The following PRDM6 variants were observed in gnomAD, a reference collection of about 807,000 sequenced individuals.
PRDM6 encodes putative histone-lysine N-methyltransferase PRDM6.
PRDM6 carries 25 observed loss-of-function variants against 60.8 expected under a neutral mutation model. The ratio of observed to expected loss-of-function variants is 0.41; its 90% CI spans 0.30 to 0.57. The LOEUF (loss-of-function observed/expected upper bound fraction) is 0.57, where lower values mean the gene tolerates loss of function less well. PRDM6 is among the 20% of genes least tolerant of loss of function. The pLI is 0.27. For missense variants in PRDM6, 839 were observed against 821.3 expected (o/e 1.02, Z -0.26); for synonymous variants, 407 against 357.4 (o/e 1.14, Z -1.57).
intron 3 of PRDM6, among the ~76,000 whole-genome samples, chr5:123,109,340 A>G (rs779108528): frequency 6.6e-6 from 1 of 152,160 alleles, no homozygotes; most frequent in East Asian, 1.9e-4. Flanking sequence ...ATTGATGGCT[A>G]TGTAAATTAC....
At chr5:123,106,454 AAGAGAG>A in intron 3 of PRDM6, among the ~76,000 whole-genome samples, 1 of 152,260 alleles carries the variant, frequency 6.6e-6, no homozygotes, top group South Asian at 2.1e-4. Flanking sequence ...TTAGACAAAA[AAGAGAG>A]AGAGAGGAAA....
chr5:123,165,266 A>G (rs112417802), intron 5 of PRDM6, among the ~76,000 whole-genome samples: 26 of 151,328 alleles, frequency 1.7e-4, no homozygotes, highest in African/African-American at 5.3e-4. Context: ...CACTCTATTC[A>G]CTCCCACTAA....
chr5:123,152,382 G>A (rs1226977120), intron 3 of PRDM6, among the ~76,000 whole-genome samples: 2 of 152,122 alleles, frequency 1.3e-5, no homozygotes, highest in Non-Finnish European at 2.9e-5. Context: ...GCCAGAGATC[G>A]AGGACCCATC....
chr5:123,111,028 G>T (rs1561815007), intron 3 of PRDM6, among the ~76,000 whole-genome samples: 1 of 152,018 alleles, frequency 6.6e-6, no homozygotes. Context: ...CTGAACTTCA[G>T]CAAAGCTATT....
Position 123,170,789 on chromosome 5 carries a change from G to A in PRDM6, c.1177G>A (p.Glu393Lys), listed in dbSNP as rs1287352924. The change falls in exon 6 of 8, where the codon GAA (glutamate) becomes AAA (lysine). Residue 393 changes from glutamate (E) to lysine (K), a missense_variant. Around this residue, in one of 2 missense-constraint regions of PRDM6, gnomAD observed 730 missense variants for 648.8 expected, o/e 1.13. Transcript: ENST00000407847. ...ENLNVPSTVMEAMCRQDALQP... is the reference protein window; with the variant it reads ...ENLNVPSTVMKAMCRQDALQP... ...AGTAAATGTCCCTTCAACGGTAATG[G>A]AAGCCATGTGCAGACAAGACGCCCT... 1 of 1,551,136 alleles carries A rather than the reference G, an allele frequency of 6.4e-7. No homozygotes were observed. The highest frequency in any genetic ancestry group is 8.7e-7 in the Non-Finnish European group (1 of 1,146,606).
chr5:123,164,226 A>T (rs1274622759), intron 5 of PRDM6, among the ~76,000 whole-genome samples: 1 of 152,166 alleles, frequency 6.6e-6, no homozygotes, highest in Admixed American at 6.5e-5. Flanking sequence ...CACAGCAGAG[A>T]GCTTGAGCTC....
chr5:123,173,994 C>G (rs2126886121), intron 6 of PRDM6, among the ~76,000 whole-genome samples: 1 of 152,284 alleles, frequency 6.6e-6, no homozygotes, highest in African/African-American at 2.4e-5. Context: ...CGTTTGGAAC[C>G]TTTTTATGGT....
Position 123,090,182 on chromosome 5 carries a change from C to G in PRDM6, c.168C>G (p.Pro56=), listed in dbSNP as rs537520863. The change falls in exon 2 of 8, where the codon CCC becomes CCG. Residue 56 remains proline, a synonymous_variant. Transcript: ENST00000407847. The part of the protein sequence containing the change: ...APQPLQPPPP[P]PPPERAEPPP... ...AGCCTCTTCAGCCGCCGCCGCCGCC[C>G]CCGCCCCCGGAGCGCGCTGAGCCTC... 1.2e-3 allele frequency: 1,724 copies of G among 1,476,422 alleles called. 16 individuals carry two copies. The African/African-American group carries it at 0.022, about 18-fold the overall frequency. 91.5% of individuals were successfully genotyped at this position (1,476,422 alleles called of 1,614,324 possible).
chr5:123,090,804 C>T (rs1411042030), intron 2 of PRDM6, among the ~76,000 whole-genome samples, 198 bp downstream of exon 2: 1 of 152,198 alleles, frequency 6.6e-6, no homozygotes. Context: ...GGAAAGAGAA[C>T]GGATGGGACG....
intron 5 of PRDM6, among the ~76,000 whole-genome samples, chr5:123,162,565 A>G (rs1284518974): frequency 6.6e-6 from 1 of 152,186 alleles, no homozygotes; most frequent in African/African-American, 2.4e-5. Context: ...GAAGTATTGT[A>G]GACTCAGTAG....
At chr5:123,160,490 C>T (rs1182729557) in intron 5 of PRDM6, among the ~76,000 whole-genome samples, 1 of 152,122 alleles carries the variant, frequency 6.6e-6, no homozygotes, top group Non-Finnish European at 1.5e-5. Context: ...CAAAAAGAAA[C>T]AAAGATAACA....
At chr5:123,163,943 G>A (rs1445931152) in intron 5 of PRDM6, among the ~76,000 whole-genome samples, 1 of 152,046 alleles carries the variant, frequency 6.6e-6, no homozygotes, top group Non-Finnish European at 1.5e-5. Flanking sequence ...AAAATAAAAA[G>A]TGGGACCTCT....
At position 123,126,154 on chromosome 5, in the gene PRDM6, T is replaced by C. The variant is rs376017145; in HGVS notation, c.900+26193T>C. On this transcript the variant is annotated intron_variant, in intron 3 of 7. Coordinates refer to ENST00000407847, the MANE Select transcript of PRDM6 (RefSeq NM_001136239.4). ...ACAGACAAGTTCTGGGAATGATGAG[T>C]CATCCCTCACAAATTCATTTCAGCT... Among the ~76,000 whole-genome samples the C allele has an allele frequency of 9.2e-5, 14 of 152,160 alleles. No homozygotes were observed. In the East Asian group the frequency reaches 2.7e-3, roughly 29 times the overall value.
chr5:123,127,316 G>A (rs1764715443), intron 3 of PRDM6, among the ~76,000 whole-genome samples: 1 of 152,122 alleles, frequency 6.6e-6, no homozygotes, highest in African/African-American at 2.4e-5. Context: ...GGGATTACAG[G>A]CATGAGCCAC....
chr5:123,132,252 A>G (rs138441702), intron 3 of PRDM6, among the ~76,000 whole-genome samples: 233 of 152,296 alleles, frequency 1.5e-3, no homozygotes, highest in Non-Finnish European at 2.7e-3. Context: ...AATCCCATGC[A>G]TTACCACGTG....
Position 123,127,965 on chromosome 5 carries a change from G to C in PRDM6, c.901-27919G>C, listed in dbSNP as rs901673583. 2.1e-5 allele frequency among the ~76,000 whole-genome samples: 3 copies of C among 144,298 alleles called. No homozygotes were observed. In the South Asian group the frequency reaches 6.8e-4, roughly 33 times the overall value. 94.7% of individuals were successfully genotyped at this position (144,298 alleles called of 152,430 possible). A position where few individuals can be genotyped will look rare whatever the true frequency, so the allele number is the denominator to read the frequency against. Reference sequence around the variant, plus strand: ...CCTGGTGTGTGATGTTCCCCACCCCGTGTTCAAGTGTTCTCATTGTTCAAT... The same window carrying C: ...CCTGGTGTGTGATGTTCCCCACCCCCTGTTCAAGTGTTCTCATTGTTCAAT... On this transcript the variant is annotated intron_variant, in intron 3 of 7. Transcript: ENST00000407847.
intron 3 of PRDM6, among the ~76,000 whole-genome samples, chr5:123,148,916 A>G (rs1038960733): frequency 5.3e-5 from 8 of 152,174 alleles, no homozygotes; most frequent in African/African-American, 1.7e-4. Flanking sequence ...CCAACCATAT[A>G]ACTGAGAGCA....
intron 5 of PRDM6, among the ~76,000 whole-genome samples, chr5:123,163,582 A>C (rs1483488145): frequency 1.3e-5 from 2 of 152,176 alleles, no homozygotes; most frequent in Non-Finnish European, 2.9e-5. Context: ...AATGTAATAG[A>C]GCTCCAAAGA....
At chr5:123,124,316 G>C (rs145785752) in intron 3 of PRDM6, among the ~76,000 whole-genome samples, 1 of 152,134 alleles carries the variant, frequency 6.6e-6, no homozygotes, top group African/African-American at 2.4e-5. Context: ...TTAGACACTC[G>C]CATTTGTAGA....
Sources: allele counts gnomAD v4.1 joint callset (sites outside exome capture counted in the v4.1 genomes callset), GRCh38; gene constraint gnomAD v4.1.1; regional missense constraint gnomAD v4.1.1; transcripts MANE v1.5; gene names NCBI Gene and HGNC (gene_info 2026-07-23, HGNC 2026-07-21).